The following WDR17 variants were observed in gnomAD, a reference collection of about 807,000 sequenced individuals.
The protein encoded by WDR17 is WD repeat domain 17.
Under a neutral mutation model 161.7 loss-of-function variants are expected in WDR17, and 143 were observed. That is an observed-to-expected ratio of 0.88 (90% CI 0.77 to 1.02). The LOEUF (loss-of-function observed/expected upper bound fraction) is 1.02, where lower values mean the gene tolerates loss of function less well. WDR17 is among the 50% of genes least tolerant of loss of function. The pLI is 0.00. For missense variants in WDR17, 1,469 were observed against 1,520.9 expected (o/e 0.97, Z 0.57); for synonymous variants, 517 against 515.6 (o/e 1.00, Z -0.04).
intron 27 of WDR17, 46 bp downstream of exon 27, chr4:176,177,202 G>A (rs778240909): frequency 5.3e-6 from 8 of 1,509,608 alleles, no homozygotes; most frequent in Admixed American, 1.7e-5. Flanking sequence ...GGTATTTGAT[G>A]TTATAGACAA....
chr4:176,106,798 G>A (rs1196925569), intron 1 of WDR17, among the ~76,000 whole-genome samples: 1 of 152,022 alleles, frequency 6.6e-6, no homozygotes, highest in Non-Finnish European at 1.5e-5. Context: ...AACAACAACA[G>A]AAAATAGCCA....
At chr4:176,173,950 A>G (rs1322923180) in intron 25 of WDR17, among the ~76,000 whole-genome samples, 2 of 151,506 alleles carry the variant, frequency 1.3e-5, no homozygotes, top group Admixed American at 1.3e-4. Flanking sequence ...GGTTTAAAGA[A>G]AGCAAGTTCA....
chr4:176,168,137 T>C (rs1750160832), intron 22 of WDR17, among the ~76,000 whole-genome samples: 1 of 151,804 alleles, frequency 6.6e-6, no homozygotes, highest in African/African-American at 2.4e-5. Flanking sequence ...ACAGAGGGAA[T>C]GAGACTATGC....
intron 1 of WDR17, among the ~76,000 whole-genome samples, chr4:176,087,127 C>T (rs1436248168): frequency 6.6e-6 from 1 of 151,872 alleles, no homozygotes; most frequent in Admixed American, 6.6e-5. Flanking sequence ...TATTTAACTA[C>T]ATATTTTCCC....
At chr4:176,100,512 A>G (rs1374320063) in intron 1 of WDR17, among the ~76,000 whole-genome samples, 1 of 152,092 alleles carries the variant, frequency 6.6e-6, no homozygotes, top group South Asian at 2.1e-4. Flanking sequence ...TAGTTTGCAG[A>G]TATTTCTCCT....
Position 176,146,134 on chromosome 4 carries a change from A to G in WDR17, c.1669A>G (p.Ile557Val), listed in dbSNP as rs778680555. ...TAAATGGTCTCCTCTGAGAGAGGGA[A>G]TTCTTTGCAGTGGTTCTGATGATGG... ...HVKWSPLREG[I>V]LCSGSDDGTV... The change falls in exon 12 of 29, where the codon ATT becomes GTT. Residue 557 changes from isoleucine to valine, a missense_variant. Ile to Val is a conservative substitution (Grantham distance 29, BLOSUM62 3). Coordinates refer to ENST00000508596, the MANE Select transcript of WDR17 (RefSeq NM_181265.4). The G allele has an allele frequency of 3.7e-6, 6 of 1,613,640 alleles. No individual in the cohort carries two copies. The East Asian group carries it at 1.1e-4, about 30-fold the overall frequency.
intron 1 of WDR17, among the ~76,000 whole-genome samples, chr4:176,104,247 G>T (rs765174456): frequency 6.6e-5 from 10 of 152,022 alleles, no homozygotes; most frequent in Non-Finnish European, 1.2e-4. Flanking sequence ...CTTTAAACCT[G>T]CTTTGGAAGA....
intron 1 of WDR17, among the ~76,000 whole-genome samples, chr4:176,076,427 C>CTTTTT (rs1734042373): frequency 1.8e-5 from 1 of 54,952 alleles, no homozygotes; most frequent in Non-Finnish European, 4.5e-5. Flanking sequence ...TTTTTTTTGG[C>CTTTTT]TGCATCTCAG....
chr4:176,108,084 G>C (rs547573682), intron 1 of WDR17, among the ~76,000 whole-genome samples: 2 of 151,564 alleles, frequency 1.3e-5, no homozygotes, highest in African/African-American at 4.9e-5. Flanking sequence ...TATCACCCAG[G>C]CTGGAGTGCA....
At chr4:176,170,748 G>C (rs1391071765) in intron 23 of WDR17, among the ~76,000 whole-genome samples, 2 of 152,202 alleles carry the variant, frequency 1.3e-5, no homozygotes, top group Non-Finnish European at 2.9e-5. Flanking sequence ...GATATAATTA[G>C]ACTTTCTGTT....
chr4:176,093,079 G>A (rs929694445), intron 1 of WDR17, among the ~76,000 whole-genome samples: 29 of 151,906 alleles, frequency 1.9e-4, no homozygotes, highest in African/African-American at 6.5e-4. Flanking sequence ...AATCAAGAAT[G>A]TAGTCCCATT....
chr4:176,166,931 GA>G (rs1450550307), intron 22 of WDR17, among the ~76,000 whole-genome samples: 2 of 151,966 alleles, frequency 1.3e-5, no homozygotes, highest in Non-Finnish European at 2.9e-5. Context: ...ACATTATCTA[GA>G]AAACTATTTA....
At chr4:176,172,326 T>C in intron 23 of WDR17, 49 bp from the exon 24 acceptor site, 2 of 1,557,498 alleles carry the variant, frequency 1.3e-6, no homozygotes, top group South Asian at 1.2e-5. Context: ...CTATTGCTTT[T>C]ATCCGTTTGA....
At chr4:176,161,498 A>C (rs1394566256) in intron 20 of WDR17, among the ~76,000 whole-genome samples, 1 of 152,124 alleles carries the variant, frequency 6.6e-6, no homozygotes, top group Non-Finnish European at 1.5e-5. Context: ...TCAGCCTTCT[A>C]ACCTTTTTTT....
intron 1 of WDR17, among the ~76,000 whole-genome samples, chr4:176,105,614 C>G (rs1309225920): frequency 6.6e-6 from 1 of 151,964 alleles, no homozygotes; most frequent in East Asian, 1.9e-4. Context: ...CTCCAACAAC[C>G]AATGGATGAA....
At chr4:176,132,256 T>C (rs150775362) in intron 7 of WDR17, among the ~76,000 whole-genome samples, 1 of 152,158 alleles carries the variant, frequency 6.6e-6, no homozygotes, top group Admixed American at 6.5e-5. Context: ...GGTTGTGTTC[T>C]GTGGTACAGC....
intron 9 of WDR17, among the ~76,000 whole-genome samples, chr4:176,138,746 C>A (rs763459064): frequency 7.2e-5 from 11 of 151,802 alleles, no homozygotes; most frequent in Non-Finnish European, 1.6e-4. Flanking sequence ...CCACTAGTAC[C>A]TAAACACTTC....
intron 21 of WDR17, 21 bp from the exon 22 acceptor site, chr4:176,163,133 A>G (rs1476718852): frequency 1.2e-6 from 2 of 1,614,000 alleles, no homozygotes; most frequent in Admixed American, 3.3e-5. Flanking sequence ...AACTGAAGAA[A>G]TTATTTTCTT....
chr4:176,118,801 A>AG (rs1461509599), intron 3 of WDR17, among the ~76,000 whole-genome samples: 1 of 75,988 alleles, frequency 1.3e-5, no homozygotes, highest in Non-Finnish European at 2.7e-5. Flanking sequence ...CTAAAAATAC[A>AG]AAAAAAAAAA....
Sources: gnomAD v4.1 joint callset for allele counts (sites outside exome capture counted in the v4.1 genomes callset) on GRCh38, gnomAD v4.1.1 for gene constraint, MANE v1.5 for transcripts, NCBI Gene and HGNC (gene_info 2026-07-23, HGNC 2026-07-21) for gene names.